Variants in CEP15 observed in about 807,000 individuals in gnomAD.
CEP15 encodes centrosomal protein 15, also known as centrosomal protein 15 kDa.
At chr3:62,321,239 T>C in the CEP15 span, among the ~76,000 whole-genome samples, 178 of 152,276 alleles carry the variant, frequency 1.2e-3, no homozygotes, top group Non-Finnish European at 2.1e-3. The surrounding 1 kb of genome is among the most constrained non-coding windows in gnomAD (Gnocchi z 4.1). Context: ...ACATATAAAA[T>C]AAGCATTTGA....
chr3:62,320,594 A>C, the CEP15 span: 9 of 1,181,328 alleles, frequency 7.6e-6, no homozygotes, highest in Non-Finnish European at 1.1e-5. Context: ...TATTGTATAC[A>C]CAGGATGACT....
the CEP15 span, chr3:62,320,506 C>T: frequency 1.2e-6 from 2 of 1,611,608 alleles, no homozygotes; most frequent in Non-Finnish European, 1.7e-6. Flanking sequence ...ATTCGCCTTT[C>T]TAAAAGACAT....
At chr3:62,334,621 A>G in the CEP15 span, 2 of 152,190 alleles carry the variant, frequency 1.3e-5, no homozygotes, top group Admixed American at 6.6e-5. This position sits in a 1 kb window ranked among gnomAD's most constrained non-coding sequence, Gnocchi z 4.9. Flanking sequence ...TAGTGTCACA[A>G]TACAAAATGT....
the CEP15 span, chr3:62,331,227 A>T: frequency 1.1e-6 from 1 of 947,224 alleles, no homozygotes; most frequent in Non-Finnish European, 1.7e-6. Flanking sequence ...TCCAGAGAAG[A>T]GTTGAGGTGA....
chr3:62,332,231 C>T, the CEP15 span, among the ~76,000 whole-genome samples: 1 of 152,146 alleles, frequency 6.6e-6, no homozygotes, highest in Non-Finnish European at 1.5e-5. Context: ...GGGAAACTCC[C>T]AACCACGGGC....
the CEP15 span, chr3:62,331,507 GTAAAT>G: frequency 2.1e-6 from 2 of 950,818 alleles, no homozygotes; most frequent in Admixed American, 2.1e-5. Flanking sequence ...TATTTATTCA[GTAAAT>G]TAAAGAAGAT....
the CEP15 span, chr3:62,335,687 T>C: frequency 5.9e-5 from 9 of 152,152 alleles, no homozygotes; most frequent in Non-Finnish European, 1.2e-4. Context: ...GTTCTTTCCA[T>C]ATGCTCCATT....
the CEP15 span, among the ~76,000 whole-genome samples, chr3:62,329,951 A>G: frequency 6.6e-6 from 1 of 152,180 alleles, no homozygotes; most frequent in Non-Finnish European, 1.5e-5. Flanking sequence ...AGGCTTCTGT[A>G]TCTGTCGTAG....
chr3:62,322,156 A>ATTC, the CEP15 span: 3 of 1,193,054 alleles, frequency 2.5e-6, no homozygotes, highest in Non-Finnish European at 3.6e-6. The surrounding 1 kb of genome is among the most constrained non-coding windows in gnomAD (Gnocchi z 5.5). Context: ...GTTCTCAGTA[A>ATTC]TAAGTAGAAT....
the CEP15 span, chr3:62,321,941 G>A: frequency 2.5e-6 from 4 of 1,596,390 alleles, no homozygotes; most frequent in South Asian, 3.4e-5. This position sits in a 1 kb window ranked among gnomAD's most constrained non-coding sequence, Gnocchi z 4.1. Flanking sequence ...GTATCACAAA[G>A]ATTAATGTTA....
At chr3:62,322,091 C>G in the CEP15 span, 8 of 1,578,206 alleles carry the variant, frequency 5.1e-6, no homozygotes, top group Non-Finnish European at 6.0e-6. This position sits in a 1 kb window ranked among gnomAD's most constrained non-coding sequence, Gnocchi z 5.5. Context: ...ATTTATCCCA[C>G]CTTCTCAAAA....
chr3:62,335,718 A>C, the CEP15 span: 2 of 152,122 alleles, frequency 1.3e-5, no homozygotes, highest in South Asian at 4.1e-4. Context: ...ACTCTTCTCC[A>C]TGAAAACTAT....
At chr3:62,330,706 AG>A in the CEP15 span, among the ~76,000 whole-genome samples, 1 of 152,208 alleles carries the variant, frequency 6.6e-6, no homozygotes, top group Non-Finnish European at 1.5e-5. Context: ...AAATTAGCTT[AG>A]AAAGCTAGTA....
the CEP15 span, chr3:62,319,895 G>T: frequency 6.6e-6 from 1 of 152,350 alleles, no homozygotes; most frequent in African/African-American, 2.4e-5. Flanking sequence ...CCACAAATGA[G>T]AGTGCTTAGC....
chr3:62,333,534 G>A, the CEP15 span: 2 of 927,432 alleles, frequency 2.2e-6, no homozygotes, highest in Non-Finnish European at 3.1e-6. This position sits in a 1 kb window ranked among gnomAD's most constrained non-coding sequence, Gnocchi z 4.0. Context: ...AGAATTTACT[G>A]GCAAGTCACA....
At chr3:62,328,546 A>G in the CEP15 span, among the ~76,000 whole-genome samples, 1 of 152,172 alleles carries the variant, frequency 6.6e-6, no homozygotes, top group Non-Finnish European at 1.5e-5. Context: ...TCCTATAACT[A>G]TATAAAATTT....
chr3:62,324,419 A>G, the CEP15 span, among the ~76,000 whole-genome samples: 1 of 152,108 alleles, frequency 6.6e-6, no homozygotes, highest in East Asian at 1.9e-4. Flanking sequence ...AAATAAATAA[A>G]TAAGACTTGA....
the CEP15 span, among the ~76,000 whole-genome samples, chr3:62,326,711 C>T: frequency 6.6e-6 from 1 of 152,202 alleles, no homozygotes; most frequent in East Asian, 1.9e-4. Flanking sequence ...TGCTTATTAC[C>T]CAGATTCAAT....
At chr3:62,331,520 G>T in the CEP15 span, 9 of 838,786 alleles carry the variant, frequency 1.1e-5, no homozygotes, top group Non-Finnish European at 1.7e-5. Context: ...AATTAAAGAA[G>T]ATATGCCTGT....
Sources: gnomAD v4.1 joint callset for allele counts (sites outside exome capture counted in the v4.1 genomes callset) on GRCh38, gnomAD v4.1.1 for gene constraint, Gnocchi (gnomAD v3.1) non-coding constraint, MANE v1.5 for transcripts, NCBI Gene and HGNC (gene_info 2026-07-23, HGNC 2026-07-21) for gene names.